FHIP1A: variants seen among roughly 807,000 people sequenced by gnomAD.
The protein encoded by FHIP1A is FHF complex subunit HOOK-interacting protein 1A.
Under a neutral mutation model 88.6 loss-of-function variants are expected in FHIP1A, and 61 were observed. That is an observed-to-expected ratio of 0.69 (90% CI 0.56 to 0.85). FHIP1A has a LOEUF of 0.85. Ranked by LOEUF, FHIP1A falls within the 40% of genes least tolerant of loss-of-function variation. The pLI is 0.00. For synonymous variants in FHIP1A, 478 were observed against 496.0 expected (o/e 0.96, Z 0.48); for missense variants, 1,154 against 1,273.5 (o/e 0.91, Z 1.43).
In FHIP1A at chr4:151,669,345, G is replaced by C. The variant is rs984744336; in HGVS notation, c.*6591G>C. Among the ~76,000 whole-genome samples the C allele has an allele frequency of 6.6e-6, 1 of 152,206 alleles. No homozygotes were observed. The highest frequency in any genetic ancestry group is 2.4e-5 in the African/African-American group (1 of 41,450). On this transcript the variant is annotated 3_prime_UTR_variant, in exon 14 of 14. Coordinates refer to ENST00000435205, the MANE Select transcript of FHIP1A (RefSeq NM_001109977.3). The stretch of plus-strand genomic sequence containing the variant: ...GGGCATCTTCCTCTGGGAATAATCA[G>C]TCCTTAATACAGTTTGCACTTGACA...
At chr4:151,648,398 A>G (rs1736875411) in intron 10 of FHIP1A, among the ~76,000 whole-genome samples, 1 of 152,124 alleles carries the variant, frequency 6.6e-6, no homozygotes, top group East Asian at 1.9e-4. Flanking sequence ...GATAAACACT[A>G]ACGTTTTAGC....
intron 3 of FHIP1A, among the ~76,000 whole-genome samples, chr4:151,544,303 G>A (rs1196573942): frequency 6.6e-6 from 1 of 152,166 alleles, no homozygotes; most frequent in African/African-American, 2.4e-5. Flanking sequence ...ATGTCACATT[G>A]TTTTTCACTT....
chr4:151,507,393 G>A (rs1037085047), intron 3 of FHIP1A, among the ~76,000 whole-genome samples: 15 of 152,222 alleles, frequency 9.9e-5, no homozygotes, highest in African/African-American at 3.4e-4. Context: ...CAAAGTGCTA[G>A]GATTACAATA....
chr4:151,588,389 T>G (rs921874740), intron 6 of FHIP1A, among the ~76,000 whole-genome samples: 2 of 152,190 alleles, frequency 1.3e-5, no homozygotes, highest in Non-Finnish European at 2.9e-5. Flanking sequence ...TAAATGTATT[T>G]AATTGTTTTG....
chr4:151,616,962 A>G (rs1387967475), intron 7 of FHIP1A, among the ~76,000 whole-genome samples: 3 of 151,916 alleles, frequency 2.0e-5, no homozygotes, highest in Non-Finnish European at 2.9e-5. Context: ...AGGCCAGGCT[A>G]GCCTTGAACT....
rs75063287 is a variant in FHIP1A, at chr4:151,635,812, A to G, written c.1147-2865A>G. Among the ~76,000 whole-genome samples the G allele has an allele frequency of 5.2e-3, 792 of 152,136 alleles. 5 individuals are homozygous for G. Among genetic ancestry groups the G allele is most frequent in the African/African-American group, 0.019 (770 of 41,562 alleles). The stretch of plus-strand genomic sequence containing the variant: ...TGTTTTAGAGATCTGTTGCATAACA[A>G]TGTGAATATAGTTACCACTAGTGAT... On this transcript the variant is annotated intron_variant, in intron 8 of 13. Transcript: ENST00000435205.
intron 7 of FHIP1A, among the ~76,000 whole-genome samples, chr4:151,604,172 A>G (rs540376823): frequency 4.9e-4 from 74 of 151,754 alleles, no homozygotes; most frequent in African/African-American, 1.7e-3. Context: ...TTCAAAGACC[A>G]GCCTAAATCC....
At chr4:151,456,585 T>C (rs72969574) in intron 2 of FHIP1A, among the ~76,000 whole-genome samples, 2,024 of 152,314 alleles carry the variant, frequency 0.013, 39 homozygotes, top group African/African-American at 0.042. Context: ...ACATACAGTA[T>C]TGTTAAAATA....
At chr4:151,464,835 T>C (rs988466532) in intron 2 of FHIP1A, among the ~76,000 whole-genome samples, 1 of 152,068 alleles carries the variant, frequency 6.6e-6, no homozygotes, top group Non-Finnish European at 1.5e-5. Context: ...TGAGATAGGC[T>C]CTAATTGTGT....
At chr4:151,446,778 G>T (rs769746127) in intron 1 of FHIP1A, among the ~76,000 whole-genome samples, 1 of 151,958 alleles carries the variant, frequency 6.6e-6, no homozygotes, top group Non-Finnish European at 1.5e-5. Context: ...ATTAAAGTTG[G>T]TGTATGACGC....
intron 10 of FHIP1A, 98 bp downstream of exon 10, chr4:151,646,846 G>A: frequency 1.3e-6 from 1 of 788,100 alleles, no homozygotes; most frequent in Non-Finnish European, 2.0e-6. Flanking sequence ...ATTATGTGGT[G>A]GGTCCCATTT....
chr4:151,467,185 A>C (rs1729348752), intron 2 of FHIP1A, among the ~76,000 whole-genome samples: 1 of 152,212 alleles, frequency 6.6e-6, no homozygotes, highest in African/African-American at 2.4e-5. Context: ...GACACTTCTC[A>C]AAAGAAGACA....
chr4:151,421,884 A>G (rs1452898032), intron 1 of FHIP1A, among the ~76,000 whole-genome samples: 2 of 152,026 alleles, frequency 1.3e-5, no homozygotes, highest in Non-Finnish European at 2.9e-5. Flanking sequence ...ACTTTCACAT[A>G]TATGATCTAA....
Position 151,650,093 on chromosome 4 carries a change from C to T in FHIP1A, c.2052C>T (p.Leu684=), listed in dbSNP as rs1736962573. 6.4e-7 allele frequency: 1 copy of T among 1,551,700 alleles called. No individual in the cohort carries two copies. Among genetic ancestry groups the T allele is most frequent in the South Asian group, 1.2e-5 (1 of 84,054 alleles). Residue 684 remains leucine (L), a synonymous_variant, in exon 11 of 14, where the codon CTC becomes CTT. Transcript: ENST00000435205. ...GTGTCCCCATCAACAACGGCCCCCT[C>T]CTCAGCACCCAGCCAGAGACAGATT... ...VQSVPINNGP[L]LSTQPETDSE...
intron 3 of FHIP1A, among the ~76,000 whole-genome samples, chr4:151,501,189 T>A (rs1345736785): frequency 6.6e-6 from 1 of 152,192 alleles, no homozygotes; most frequent in Non-Finnish European, 1.5e-5. Flanking sequence ...GACATTTGGA[T>A]CAACAACTTT....
At chr4:151,525,761 TC>T (rs1731606859) in intron 3 of FHIP1A, among the ~76,000 whole-genome samples, 4 of 151,590 alleles carry the variant, frequency 2.6e-5, no homozygotes, top group African/African-American at 4.9e-5. Context: ...TTTTTTTTTT[TC>T]ATTTTTAATT....
At chr4:151,644,242 C>G (rs993484897) in intron 9 of FHIP1A, among the ~76,000 whole-genome samples, 1 of 152,156 alleles carries the variant, frequency 6.6e-6, no homozygotes, top group African/African-American at 2.4e-5. Context: ...CAGCTCTCAC[C>G]CCAGCCACCT....
At chr4:151,652,241 A>G (rs138456482) in intron 11 of FHIP1A, among the ~76,000 whole-genome samples, 13 of 152,336 alleles carry the variant, frequency 8.5e-5, no homozygotes, top group Middle Eastern at 6.8e-3. Flanking sequence ...GAACTGACAA[A>G]ACATACTACA....
At chr4:151,497,844 A>G (rs993722561) in intron 3 of FHIP1A, among the ~76,000 whole-genome samples, 1 of 152,194 alleles carries the variant, frequency 6.6e-6, no homozygotes, top group Non-Finnish European at 1.5e-5. Flanking sequence ...TAGTCTGTCT[A>G]GCTAAGTTTT....
Sources: allele counts gnomAD v4.1 joint callset (sites outside exome capture counted in the v4.1 genomes callset), GRCh38; gene constraint gnomAD v4.1.1; transcripts MANE v1.5; gene names NCBI Gene and HGNC (gene_info 2026-07-23, HGNC 2026-07-21).